MDN1: variants seen among roughly 807,000 people sequenced by gnomAD.
MDN1 encodes the protein midasin.
In MDN1, 266 loss-of-function variants were observed where a neutral mutation model predicts 669.2. That is an observed-to-expected ratio of 0.40 (90% confidence interval 0.36 to 0.44). The LOEUF (loss-of-function observed/expected upper bound fraction) is 0.44, where lower values mean the gene tolerates loss of function less well. Among genes scored for constraint, MDN1 ranks in the 20% least tolerant of loss-of-function variants. MDN1 has a pLI of 1.00. For synonymous variants in MDN1, 2,385 were observed against 2,457.1 expected, an observed-to-expected ratio of 0.97 and a Z score of 0.87; for missense variants, 5,940 against 6,754.0, an observed-to-expected ratio of 0.88 and a Z score of 4.22.
intron 83 of MDN1, among the ~76,000 whole-genome samples, chr6:89,670,170 A>ATATATATATATATATATATATATTTTT (rs1444537561): frequency 4.3e-5 from 1 of 23,412 alleles, no homozygotes; most frequent in African/African-American, 2.6e-4. Flanking sequence ...ATATATATAT[A>ATATATATATATATATATATATATTTTT]TTTTTTTTTT....
At chr6:89,730,637 G>A (rs780909164) in intron 35 of MDN1, 89 bp downstream of exon 35, 49 of 968,134 alleles carry the variant, frequency 5.1e-5, no homozygotes, top group Non-Finnish European at 6.8e-5. Flanking sequence ...ATAATCATGA[G>A]TATTACACAT....
chr6:89,711,899 C>T (rs1002884053), intron 49 of MDN1, 137 bp downstream of exon 49: 3 of 748,564 alleles, frequency 4.0e-6, no homozygotes, highest in Non-Finnish European at 6.5e-6. Flanking sequence ...TAATGCTAGA[C>T]CACAAATTTC....
chr6:89,708,802 T>TTTAA (rs1422655127), intron 50 of MDN1, among the ~76,000 whole-genome samples, 174 bp from the exon 51 acceptor site: 1 of 152,030 alleles, frequency 6.6e-6, no homozygotes, highest in African/African-American at 2.4e-5. Context: ...AATAGCAGGG[T>TTTAA]TTAATAGCTT....
At chr6:89,732,479 T>A in intron 34 of MDN1, 78 bp downstream of exon 34, 1 of 1,228,776 alleles carries the variant, frequency 8.1e-7, no homozygotes, top group Non-Finnish European at 1.2e-6. Context: ...AATAGCTGGG[T>A]CAGAGGCCTG....
chr6:89,779,793 C>A (rs556237101), intron 11 of MDN1, among the ~76,000 whole-genome samples: 1 of 152,120 alleles, frequency 6.6e-6, no homozygotes, highest in Non-Finnish European at 1.5e-5. Flanking sequence ...AGGCCGGGTG[C>A]GGTGGCTCAC....
intron 1 of MDN1, among the ~76,000 whole-genome samples, chr6:89,804,986 G>A (rs1042218577): frequency 2.3e-5 from 3 of 131,188 alleles, no homozygotes; most frequent in East Asian, 2.2e-4. Context: ...GTAGTGAGCC[G>A]AGATCGTGCC....
intron 13 of MDN1, 39 bp downstream of exon 13, chr6:89,774,582 A>C (rs1179081538): frequency 6.8e-7 from 1 of 1,480,120 alleles, no homozygotes; most frequent in African/African-American, 1.4e-5. Flanking sequence ...AGTTTCTGGA[A>C]ACCCCACAGT....
chr6:89,810,565 C>A (rs1768348680), intron 1 of MDN1, among the ~76,000 whole-genome samples: 1 of 152,188 alleles, frequency 6.6e-6, no homozygotes, highest in South Asian at 2.1e-4. Flanking sequence ...AGGGGAGAAT[C>A]CTTCCTTGCC....
chr6:89,696,230 C>G, intron 60 of MDN1, 130 bp downstream of exon 60: 1 of 1,123,946 alleles, frequency 8.9e-7, no homozygotes, highest in South Asian at 1.5e-5. Context: ...CATGCTGATT[C>G]AGGCAGAAAA....
chr6:89,772,718 C>A lies in MDN1; in HGVS notation c.1938G>T (p.Glu646Asp). ...KQSEAVHLQREKFTFAATRPS... is the reference protein window; with the variant it reads ...KQSEAVHLQRDKFTFAATRPS... ...GCCGTGTAGCAGCGAAAGTGAACTTCTCCCTGGGAAGGAGAAAAAAAGAGT... is the reference window on the plus strand; with the variant it reads ...GCCGTGTAGCAGCGAAAGTGAACTTATCCCTGGGAAGGAGAAAAAAAGAGT... Residue 646 changes from glutamate (E) to aspartate (D), a missense_variant, in exon 14 of 102, where the codon GAG becomes GAT. Transcript: ENST00000369393. 6.2e-7 allele frequency: 1 copy of A among 1,613,074 alleles called. No homozygotes were observed. Among genetic ancestry groups the A allele is most frequent in the Non-Finnish European group, 8.5e-7 (1 of 1,179,666 alleles).
Position 89,650,059 on chromosome 6 carries a change from C to A in MDN1, c.16171G>T (p.Asp5391Tyr). 1 of 1,614,126 alleles carries A rather than the reference C, an allele frequency of 6.2e-7. No homozygotes were observed. The highest frequency in any genetic ancestry group is 8.5e-7 in the Non-Finnish European group (1 of 1,180,030). ...TGATTGTCTACCATACTAGAAGAGT[C>A]ATCGATAGCCAAACAAATCTGATAC... The part of the protein sequence containing the change: ...RQYQICLAID[D>Y]SSSMVDNHTK... Residue 5391 changes from aspartate (D) to tyrosine (Y), a missense_variant, in exon 97 of 102, where the codon GAC becomes TAC. This residue lies in a region of MDN1 where 2,280 missense variants were observed against 2,576.3 expected (regional missense o/e 0.88). Transcript: ENST00000369393.
intron 31 of MDN1, among the ~76,000 whole-genome samples, chr6:89,741,931 T>C (rs546687756): frequency 6.4e-4 from 98 of 151,966 alleles, no homozygotes; most frequent in African/African-American, 2.2e-3. Flanking sequence ...TGAAACCCCA[T>C]CTTTACTAAA....
chr6:89,729,677 G>GTTTTTTTTTTTTTTTTTTT (rs35914010), intron 35 of MDN1, among the ~76,000 whole-genome samples: 12 of 100,758 alleles, frequency 1.2e-4, no homozygotes, highest in African/African-American at 1.8e-4. Flanking sequence ...TTTTGTTTTC[G>GTTTTTTTTTTTTTTTTTTT]TTTTTTTTTT....
At chr6:89,818,723 C>T (rs1278780933) in intron 1 of MDN1, among the ~76,000 whole-genome samples, 1 of 151,706 alleles carries the variant, frequency 6.6e-6, no homozygotes, top group African/African-American at 2.4e-5. Context: ...GCAGGAGAAT[C>T]GCCTGAACCC....
intron 5 of MDN1, among the ~76,000 whole-genome samples, chr6:89,791,875 A>ATTTTT (rs66492732): frequency 5.3e-5 from 6 of 114,068 alleles, no homozygotes; most frequent in Non-Finnish European, 6.9e-5. Context: ...AAAACTTTTA[A>ATTTTT]TTTTTTTTTT....
At chr6:89,796,338 A>AAAAAAAAAAAAAC (rs1562229029) in intron 2 of MDN1, among the ~76,000 whole-genome samples, 14 of 134,152 alleles carry the variant, frequency 1.0e-4, no homozygotes, top group Non-Finnish European at 1.4e-4. Context: ...AAAAAAAAAA[A>AAAAAAAAAAAAAC]AAAAAAAAAA....
At chr6:89,703,632 G>C (rs1813320826) in intron 53 of MDN1, among the ~76,000 whole-genome samples, 1 of 152,026 alleles carries the variant, frequency 6.6e-6, no homozygotes, top group African/African-American at 2.4e-5. Context: ...TACACTAATA[G>C]TACAAAAAAA....
Position 89,754,213 on chromosome 6 carries a change from C to T in MDN1, c.2834G>A (p.Arg945Gln), listed in dbSNP as rs143137542. 96 of 1,613,770 alleles carry T rather than the reference C, an allele frequency of 5.9e-5. No homozygotes were observed. The highest frequency in any genetic ancestry group is 1.2e-4 in the Admixed American group (7 of 59,990). The change falls in exon 21 of 102, where the codon CGG becomes CAG. Residue 945 changes from arginine (R) to glutamine (Q), a missense_variant. Coordinates refer to ENST00000369393, the MANE Select transcript of MDN1 (RefSeq NM_014611.3). ...CACCAGTTTGGTCCCAGACTCTTTC[C>T]GCAAAGCTGTGTAGAAGCTACAAAT... ...QGIINFYTALRKESGTKLVDG... is the reference protein window; with the variant it reads ...QGIINFYTALQKESGTKLVDG...
At chr6:89,740,415 T>C (rs1816226216) in intron 31 of MDN1, 37 bp from the exon 32 acceptor site, 5 of 1,537,260 alleles carry the variant, frequency 3.3e-6, no homozygotes, top group South Asian at 1.2e-5. Context: ...AAAGGGCTTA[T>C]ACAATCTTTC....
Sources: gnomAD v4.1 joint callset for allele counts (sites outside exome capture counted in the v4.1 genomes callset) on GRCh38, gnomAD v4.1.1 for gene constraint, gnomAD v4.1.1 regional missense constraint, MANE v1.5 for transcripts, NCBI Gene and HGNC (gene_info 2026-07-23, HGNC 2026-07-21) for gene names.